Variants in BNC2 observed in about 807,000 individuals in gnomAD.
BNC2 encodes basonuclin zinc finger protein 2, also known as zinc finger protein basonuclin-2.
Under a neutral mutation model 76.3 loss-of-function variants are expected in BNC2, and 20 were observed. That is an observed-to-expected ratio of 0.26 (90% confidence interval 0.18 to 0.38). The LOEUF (loss-of-function observed/expected upper bound fraction) is 0.38, where lower values mean the gene tolerates loss of function less well. Among genes scored for constraint, BNC2 ranks in the 10% least tolerant of loss-of-function variants. The pLI, the probability that BNC2 is intolerant of heterozygous loss-of-function variation, is 1.00. For missense variants in BNC2, 1,382 were observed against 1,399.8 expected (o/e 0.99, Z 0.20); for synonymous variants, 582 against 514.8 (o/e 1.13, Z -1.77).
intron 5 of BNC2, among the ~76,000 whole-genome samples, chr9:16,475,365 G>A (rs941708506): frequency 2.6e-5 from 4 of 152,134 alleles, no homozygotes; most frequent in Non-Finnish European, 4.4e-5. Flanking sequence ...CTCACACTAT[G>A]TTGCTATGGT....
At chr9:16,683,983 C>G (rs1822901276) in intron 3 of BNC2, among the ~76,000 whole-genome samples, 1 of 152,210 alleles carries the variant, frequency 6.6e-6, no homozygotes, top group Admixed American at 6.5e-5. Flanking sequence ...TCTGAACTAT[C>G]AACCCCACAA....
chr9:16,744,608 G>A (rs1271236051), intron 1 of BNC2, among the ~76,000 whole-genome samples: 1 of 152,146 alleles, frequency 6.6e-6, no homozygotes, highest in Non-Finnish European at 1.5e-5. Context: ...CCCTTGCCCA[G>A]AGGAAGGGAT....
intron 5 of BNC2, among the ~76,000 whole-genome samples, chr9:16,452,836 C>T (rs1821371407): frequency 6.6e-6 from 1 of 152,188 alleles, no homozygotes; most frequent in African/African-American, 2.4e-5. Context: ...CCTGCAATTT[C>T]TAATTTCTGT....
At chr9:16,613,497 C>T (rs1390446625) in intron 3 of BNC2, among the ~76,000 whole-genome samples, 2 of 152,200 alleles carry the variant, frequency 1.3e-5, no homozygotes, top group Non-Finnish European at 2.9e-5. Context: ...CCCATTACTG[C>T]TGTGCAGGCT....
chr9:16,784,358 A>G (rs1348591507), intron 1 of BNC2, among the ~76,000 whole-genome samples: 2 of 152,228 alleles, frequency 1.3e-5, no homozygotes, highest in African/African-American at 4.8e-5. Flanking sequence ...AAAAGTAAAT[A>G]AAGTATTTTC....
chr9:16,498,128 CATAT>C (rs896045525), intron 5 of BNC2, among the ~76,000 whole-genome samples: 1 of 119,468 alleles, frequency 8.4e-6, no homozygotes, highest in Non-Finnish European at 1.6e-5. Flanking sequence ...TATATTCTAT[CATAT>C]ATATATTCTA....
At chr9:16,480,236 G>A (rs1467191800) in intron 5 of BNC2, among the ~76,000 whole-genome samples, 1 of 152,170 alleles carries the variant, frequency 6.6e-6, no homozygotes, top group Non-Finnish European at 1.5e-5. Context: ...CACACTTTTC[G>A]GCTTCTCAGT....
At chr9:16,468,995 ATATC>A (rs1821757489) in intron 5 of BNC2, among the ~76,000 whole-genome samples, 2 of 152,228 alleles carry the variant, frequency 1.3e-5, no homozygotes, top group African/African-American at 4.8e-5. Context: ...CTGAATGAAT[ATATC>A]TAGTTAAAAT....
chr9:16,840,404 T>C (rs75116417), intron 1 of BNC2, among the ~76,000 whole-genome samples: 1,646 of 152,300 alleles, frequency 0.011, 31 homozygotes, highest in African/African-American at 0.037. Flanking sequence ...TGAATGCCCA[T>C]AGTTAACATG....
intron 1 of BNC2, among the ~76,000 whole-genome samples, chr9:16,760,061 T>G (rs1825509904): frequency 6.6e-6 from 1 of 152,150 alleles, no homozygotes; most frequent in Non-Finnish European, 1.5e-5. Context: ...TTTTCTGAAT[T>G]TTATTTGCAG....
chr9:16,769,206 C>T (rs1444632567), intron 1 of BNC2, among the ~76,000 whole-genome samples: 2 of 152,126 alleles, frequency 1.3e-5, no homozygotes, highest in Non-Finnish European at 2.9e-5. Context: ...AAACTAAGTG[C>T]GCTTTTTGTT....
At chr9:16,811,998 A>C (rs989687373) in intron 1 of BNC2, among the ~76,000 whole-genome samples, 7 of 152,234 alleles carry the variant, frequency 4.6e-5, no homozygotes, top group African/African-American at 1.7e-4. Flanking sequence ...CTACTGCAGA[A>C]AGAGCTCTGC....
chr9:16,680,870 C>G (rs1822802907), intron 3 of BNC2, among the ~76,000 whole-genome samples: 1 of 152,078 alleles, frequency 6.6e-6, no homozygotes, highest in South Asian at 2.1e-4. Flanking sequence ...CTTTTTTAAG[C>G]TACTTGTGAT....
chr9:16,534,896 T>C (rs1818081750), intron 5 of BNC2, among the ~76,000 whole-genome samples: 1 of 152,194 alleles, frequency 6.6e-6, no homozygotes, highest in Non-Finnish European at 1.5e-5. Context: ...AATCTTTTGG[T>C]TAAACATGTA....
At chr9:16,716,643 G>A (rs1229106039) in intron 3 of BNC2, among the ~76,000 whole-genome samples, 1 of 152,096 alleles carries the variant, frequency 6.6e-6, no homozygotes, top group Non-Finnish European at 1.5e-5. Flanking sequence ...GGCTATCTCT[G>A]ACGTATTACT....
At chr9:16,618,414 G>C (rs1455082050) in intron 3 of BNC2, among the ~76,000 whole-genome samples, 2 of 152,138 alleles carry the variant, frequency 1.3e-5, no homozygotes, top group African/African-American at 4.8e-5. Context: ...CTGTTCACGG[G>C]AGGACGCCAG....
chr9:16,696,034 C>T (rs547149963), intron 3 of BNC2, among the ~76,000 whole-genome samples: 3 of 152,290 alleles, frequency 2.0e-5, no homozygotes, highest in African/African-American at 7.2e-5. Flanking sequence ...CCTGTCCATT[C>T]TGCCCTTTCA....
chr9:16,501,810 G>C (rs1056621942), intron 5 of BNC2, among the ~76,000 whole-genome samples: 3 of 152,190 alleles, frequency 2.0e-5, no homozygotes, highest in African/African-American at 7.2e-5. Flanking sequence ...AGGTCAGGAA[G>C]CTAAGGTCTA....
intron 3 of BNC2, among the ~76,000 whole-genome samples, chr9:16,629,232 G>A (rs989269747): frequency 3.3e-5 from 5 of 152,016 alleles, no homozygotes; most frequent in Admixed American, 2.0e-4. Context: ...TGCTTGATTC[G>A]GCAATAATCT....
Sources: gnomAD v4.1 joint callset for allele counts (sites outside exome capture counted in the v4.1 genomes callset) on GRCh38, gnomAD v4.1.1 for gene constraint, MANE v1.5 for transcripts, NCBI Gene and HGNC (gene_info 2026-07-23, HGNC 2026-07-21) for gene names.